Variants in TENM2 observed in about 807,000 individuals in gnomAD.
TENM2 encodes the protein teneurin transmembrane protein 2.
A neutral mutation model predicts 245.2 loss-of-function variants in TENM2; 52 were observed. That is an observed-to-expected ratio of 0.21 (90% CI 0.17 to 0.27). TENM2 has a LOEUF of 0.27. Ranked by LOEUF, TENM2 falls within the 10% of genes least tolerant of loss-of-function variation. TENM2 has a pLI of 1.00. For synonymous variants in TENM2, 1,363 were observed against 1,438.9 expected (o/e 0.95, Z 1.19); for missense variants, 3,046 against 3,666.8 (o/e 0.83, Z 4.37).
intron 2 of TENM2, among the ~76,000 whole-genome samples, chr5:167,563,263 C>T (rs537042067): frequency 1.8e-4 from 27 of 152,324 alleles, no homozygotes; most frequent in African/African-American, 6.5e-4. Context: ...CTTTTAAATT[C>T]AAGCAGGCTT....
Position 168,132,785 on chromosome 5 carries a change from C to T in TENM2, c.2422+5819C>T, listed in dbSNP as rs1216542490. Reference sequence around the variant, plus strand: ...GTCCTAATGTATAGTGAGTGTTCTGCACTTGAGCTTTTATAGAGAATCCAC... The same window carrying T: ...GTCCTAATGTATAGTGAGTGTTCTGTACTTGAGCTTTTATAGAGAATCCAC... On this transcript the variant is annotated intron_variant, in intron 12 of 28. Coordinates refer to ENST00000518659, the Ensembl canonical transcript of TENM2. Among the ~76,000 whole-genome samples, 5 of 152,312 alleles carry T rather than the reference C, an allele frequency of 3.3e-5. No individual in the cohort carries two copies. The East Asian group carries it at 9.6e-4, about 29-fold the overall frequency.
intron 2 of TENM2, among the ~76,000 whole-genome samples, chr5:167,595,889 A>G (rs1776172334): frequency 6.6e-6 from 1 of 152,218 alleles, no homozygotes; most frequent in South Asian, 2.1e-4. Flanking sequence ...ATAAAGGAAG[A>G]AAAACTTCAT....
intron 2 of TENM2, among the ~76,000 whole-genome samples, chr5:167,580,612 G>A (rs1450661416): frequency 6.6e-6 from 1 of 152,254 alleles, no homozygotes; most frequent in Non-Finnish European, 1.5e-5. Context: ...CGCTGTTACT[G>A]CAGAATAGGA....
intron 3 of TENM2, among the ~76,000 whole-genome samples, chr5:167,885,642 T>C (rs1384625934): frequency 6.6e-6 from 1 of 152,142 alleles, no homozygotes; most frequent in Non-Finnish European, 1.5e-5. Flanking sequence ...AAAACAAAAA[T>C]ACAAAACACC....
intron 1 of TENM2, among the ~76,000 whole-genome samples, chr5:167,331,252 A>G (rs1277006907): frequency 2.0e-5 from 3 of 151,258 alleles, no homozygotes; most frequent in Admixed American, 6.6e-5. Context: ...AAAAAAAAAA[A>G]AGACAAGAAA....
chr5:167,488,056 T>C (rs1239680092), intron 2 of TENM2, among the ~76,000 whole-genome samples: 1 of 152,132 alleles, frequency 6.6e-6, no homozygotes, highest in Non-Finnish European at 1.5e-5. Context: ...CCCACATCAA[T>C]AAGAACTGAG....
intron 2 of TENM2, among the ~76,000 whole-genome samples, chr5:167,753,702 A>T (rs1456187522): frequency 1.3e-5 from 2 of 152,190 alleles, no homozygotes; most frequent in South Asian, 4.1e-4. Flanking sequence ...TGAATGTCCT[A>T]TCGTCAATTT....
chr5:167,856,027 T>A (rs1771067832), intron 2 of TENM2, among the ~76,000 whole-genome samples: 1 of 152,222 alleles, frequency 6.6e-6, no homozygotes, highest in South Asian at 2.1e-4. Context: ...GGAACTCTGA[T>A]GGAAATTCCC....
chr5:167,436,852 G>A (rs1415121687), intron 2 of TENM2, among the ~76,000 whole-genome samples: 1 of 152,204 alleles, frequency 6.6e-6, no homozygotes, highest in African/African-American at 2.4e-5. Flanking sequence ...GCCTGCAGGT[G>A]CACAGAAGTC....
the TENM2 span, among the ~76,000 whole-genome samples, chr5:167,170,123 G>A: frequency 6.6e-6 from 1 of 152,202 alleles, no homozygotes; most frequent in Non-Finnish European, 1.5e-5. Flanking sequence ...GGAATCTTAT[G>A]TCTTCTTTCT....
At chr5:167,373,528 CAAAAG>C (rs1262521792) in intron 1 of TENM2, among the ~76,000 whole-genome samples, 4 of 152,072 alleles carry the variant, frequency 2.6e-5, no homozygotes, top group African/African-American at 9.7e-5. Flanking sequence ...TGGTTAAAGA[CAAAAG>C]AAATCAGCAT....
At chr5:168,089,180 C>T (rs1393994487) in intron 7 of TENM2, among the ~76,000 whole-genome samples, 2 of 152,176 alleles carry the variant, frequency 1.3e-5, no homozygotes, top group Non-Finnish European at 2.9e-5. Context: ...CTGTCCAGCC[C>T]ATGGTCAAGC....
At chr5:167,842,706 A>G (rs1484666819) in intron 2 of TENM2, among the ~76,000 whole-genome samples, 1 of 151,994 alleles carries the variant, frequency 6.6e-6, no homozygotes, top group Admixed American at 6.6e-5. Context: ...TCCCCATTCA[A>G]GGTTGCCATT....
At chr5:167,421,900 C>A (rs1329193141) in intron 2 of TENM2, among the ~76,000 whole-genome samples, 1 of 152,124 alleles carries the variant, frequency 6.6e-6, no homozygotes, top group Non-Finnish European at 1.5e-5. Context: ...TCAAGCAATT[C>A]TCTGCCTCAG....
At chr5:167,757,082 T>A (rs1449371715) in intron 2 of TENM2, among the ~76,000 whole-genome samples, 2 of 150,294 alleles carry the variant, frequency 1.3e-5, no homozygotes, top group African/African-American at 4.8e-5. Flanking sequence ...TTTTTTATTT[T>A]TTTATTATTT....
At chr5:167,034,353 G>A in the TENM2 span, among the ~76,000 whole-genome samples, 1 of 152,080 alleles carries the variant, frequency 6.6e-6, no homozygotes. Context: ...TATTTTGGCC[G>A]GGCGCGGTGG....
chr5:167,787,514 C>T (rs1313340059), intron 2 of TENM2, among the ~76,000 whole-genome samples: 1 of 152,208 alleles, frequency 6.6e-6, no homozygotes, highest in Non-Finnish European at 1.5e-5. Flanking sequence ...GCTTTCCCTT[C>T]TCACTTTGTT....
intron 2 of TENM2, among the ~76,000 whole-genome samples, chr5:167,458,128 A>G (rs1766033192): frequency 1.3e-5 from 2 of 152,144 alleles, no homozygotes. Flanking sequence ...TTAAAAATAA[A>G]CATTGTTATA....
intron 2 of TENM2, among the ~76,000 whole-genome samples, chr5:167,628,075 A>T (rs1778628677): frequency 6.6e-6 from 1 of 152,158 alleles, no homozygotes; most frequent in African/African-American, 2.4e-5. Context: ...CATCAGAAGG[A>T]GTTTAACACC....
Sources: gnomAD v4.1 joint callset for allele counts (sites outside exome capture counted in the v4.1 genomes callset) on GRCh38, gnomAD v4.1.1 for gene constraint, MANE v1.5 for transcripts, NCBI Gene and HGNC (gene_info 2026-07-23, HGNC 2026-07-21) for gene names.